The following ABCD2 variants were observed in gnomAD, a reference collection of about 807,000 sequenced individuals.
ABCD2 encodes the protein ATP binding cassette subfamily D member 2, also known as ATP-binding cassette sub-family D member 2.
Under a neutral mutation model 70.9 loss-of-function variants are expected in ABCD2, and 36 were observed. The ratio of observed to expected loss-of-function variants is 0.51; its 90% CI spans 0.39 to 0.67. ABCD2 has a LOEUF of 0.67. ABCD2 is among the 30% of genes least tolerant of loss of function. The pLI is 0.00. For missense variants in ABCD2, 729 were observed against 890.2 expected (o/e 0.82, Z 2.30); for synonymous variants, 304 against 306.9 (o/e 0.99, Z 0.10).
At chr12:39,613,533 C>T (rs902593533) in intron 2 of ABCD2, among the ~76,000 whole-genome samples, 1 of 150,410 alleles carries the variant, frequency 6.6e-6, no homozygotes, top group Non-Finnish European at 1.5e-5. Context: ...AGAAACTCTA[C>T]ATAACTAACA....
At chr12:39,583,078 T>C (rs1223030718) in intron 7 of ABCD2, among the ~76,000 whole-genome samples, 1 of 152,154 alleles carries the variant, frequency 6.6e-6, no homozygotes, top group Non-Finnish European at 1.5e-5. Flanking sequence ...CAGGCTGGTT[T>C]CAACCTCCTA....
intron 9 of ABCD2, among the ~76,000 whole-genome samples, chr12:39,570,063 TTAATG>T (rs570916840): frequency 9.2e-5 from 14 of 152,178 alleles, no homozygotes; most frequent in African/African-American, 2.2e-4. Context: ...CTATAAAACA[TTAATG>T]TAAGGAATCG....
intron 6 of ABCD2, among the ~76,000 whole-genome samples, chr12:39,588,789 T>TA (rs1268266688): frequency 1.3e-5 from 2 of 152,042 alleles, no homozygotes; most frequent in Non-Finnish European, 2.9e-5. Flanking sequence ...TGGCATTCTT[T>TA]AAAAATATCA....
chr12:39,534,492 C>T, the ABCD2 span, among the ~76,000 whole-genome samples: 1 of 151,842 alleles, frequency 6.6e-6, no homozygotes, highest in Non-Finnish European at 1.5e-5. Context: ...ATGTGAAAAG[C>T]TCCTAGTACA....
At chr12:39,541,737 A>T in the ABCD2 span, among the ~76,000 whole-genome samples, 5 of 152,214 alleles carry the variant, frequency 3.3e-5, no homozygotes, top group Non-Finnish European at 7.3e-5. Context: ...ATAGCCCTAA[A>T]CTAGAACCAG....
downstream of ABCD2, among the ~76,000 whole-genome samples, chr12:39,549,260 G>A (rs773041666): frequency 5.3e-5 from 8 of 151,982 alleles, no homozygotes; most frequent in Non-Finnish European, 1.2e-4. Flanking sequence ...CCTGCTGCCA[G>A]AATATGCTTA....
chr12:39,535,933 A>G, the ABCD2 span, among the ~76,000 whole-genome samples: 962 of 152,304 alleles, frequency 6.3e-3, 5 homozygotes, highest in Middle Eastern at 0.017. Flanking sequence ...ACTTGAGGTC[A>G]GCAGTTTGAG....
intron 7 of ABCD2, among the ~76,000 whole-genome samples, chr12:39,582,952 C>T (rs536903797): frequency 2.6e-5 from 4 of 151,486 alleles, no homozygotes; most frequent in African/African-American, 7.3e-5. Flanking sequence ...CTTGACTTTG[C>T]GGGCTCAGGT....
chr12:39,606,386 C>T (rs1466349636), intron 3 of ABCD2, among the ~76,000 whole-genome samples: 1 of 152,100 alleles, frequency 6.6e-6, no homozygotes, highest in Non-Finnish European at 1.5e-5. Context: ...TAGAAGTGAA[C>T]ATTTTATGAT....
At chr12:39,618,187 G>A (rs368896172) in intron 1 of ABCD2, among the ~76,000 whole-genome samples, 1 of 152,124 alleles carries the variant, frequency 6.6e-6, no homozygotes, top group East Asian at 1.9e-4. Flanking sequence ...GATCAGACAT[G>A]CAAAATTGTT....
chr12:39,609,325 A>G (rs184946270), intron 2 of ABCD2, among the ~76,000 whole-genome samples: 149 of 152,288 alleles, frequency 9.8e-4, no homozygotes, highest in African/African-American at 3.3e-3. Context: ...TTACCTCTCC[A>G]CATCTATTTT....
downstream of ABCD2, among the ~76,000 whole-genome samples, chr12:39,547,274 A>T (rs1346388096): frequency 6.6e-6 from 1 of 152,032 alleles, no homozygotes; most frequent in African/African-American, 2.4e-5. Context: ...TAGGAAAAAC[A>T]GGATGGAGAT....
the ABCD2 span, among the ~76,000 whole-genome samples, chr12:39,534,257 G>C: frequency 1.3e-5 from 2 of 152,126 alleles, no homozygotes; most frequent in African/African-American, 4.8e-5. Flanking sequence ...AAGGAATAAA[G>C]GACAACTTCT....
At chr12:39,589,652 GCTGGGATTA>G (rs1941717898) in intron 6 of ABCD2, among the ~76,000 whole-genome samples, 1 of 152,038 alleles carries the variant, frequency 6.6e-6, no homozygotes. Context: ...CTCCCAAAGT[GCTGGGATTA>G]CAGGTGTGAG....
At chr12:39,538,775 G>A in the ABCD2 span, among the ~76,000 whole-genome samples, 1 of 152,186 alleles carries the variant, frequency 6.6e-6, no homozygotes, top group Non-Finnish European at 1.5e-5. Context: ...TAGCAGAAGC[G>A]GGAAGAGAGC....
Position 39,553,817 on chromosome 12 carries a change from T to C in ABCD2, c.*95A>G, listed in dbSNP as rs969671259. 2.1e-6 allele frequency: 2 copies of C among 933,382 alleles called. No homozygotes were observed. Among genetic ancestry groups the C allele is most frequent in the African/African-American group, 1.7e-5 (1 of 59,706 alleles). 57.8% of individuals were successfully genotyped at this position (933,382 alleles called of 1,614,324 possible). A position where few individuals can be genotyped will look rare whatever the true frequency, so the allele number is the denominator to read the frequency against. On this transcript the variant is annotated 3_prime_UTR_variant, in exon 10 of 10. Coordinates refer to ENST00000308666, the MANE Select transcript of ABCD2 (RefSeq NM_005164.4). ...TATAAAACATGTCTTGCTGCCTTTT[T>C]TTCTCTGTGCTTAGCTTAACATACT...
chr12:39,559,448 A>AAGATTTAT (rs1355153859), intron 9 of ABCD2, among the ~76,000 whole-genome samples: 1 of 151,938 alleles, frequency 6.6e-6, no homozygotes, highest in Non-Finnish European at 1.5e-5. Flanking sequence ...AAGAAAGATA[A>AAGATTTAT]AGATTTATAA....
chr12:39,618,434 T>G (rs930000587), intron 1 of ABCD2, among the ~76,000 whole-genome samples: 1 of 152,196 alleles, frequency 6.6e-6, no homozygotes, highest in Admixed American at 6.5e-5. Context: ...CTAAGTAGAC[T>G]TTTTTAGAGT....
chr12:39,595,393 T>G (rs1344261985), intron 6 of ABCD2, among the ~76,000 whole-genome samples: 1 of 152,194 alleles, frequency 6.6e-6, no homozygotes, highest in Non-Finnish European at 1.5e-5. Flanking sequence ...GAAATTCAAT[T>G]TAATTACTTA....
Sources: gnomAD v4.1 joint callset for allele counts (sites outside exome capture counted in the v4.1 genomes callset) on GRCh38, gnomAD v4.1.1 for gene constraint, MANE v1.5 for transcripts, NCBI Gene and HGNC (gene_info 2026-07-23, HGNC 2026-07-21) for gene names.